The following EPS15 variants were observed in gnomAD, a reference collection of about 807,000 sequenced individuals.
EPS15 encodes the protein epidermal growth factor receptor pathway substrate 15.
In EPS15, 72 loss-of-function variants were observed where a neutral mutation model predicts 113.8. That is an observed-to-expected ratio of 0.63 (90% CI 0.52 to 0.77). EPS15 has a LOEUF of 0.77. Among genes scored for constraint, EPS15 ranks in the 30% least tolerant of loss-of-function variants. The pLI, the probability that EPS15 is intolerant of heterozygous loss-of-function variation, is 0.00. For synonymous variants in EPS15, 344 were observed against 363.4 expected (o/e 0.95, Z 0.61); for missense variants, 1,048 against 1,045.8 (o/e 1.00, Z -0.03).
intron 2 of EPS15, among the ~76,000 whole-genome samples, chr1:51,475,366 C>T (rs952840911): frequency 2.0e-5 from 3 of 152,144 alleles, no homozygotes; most frequent in Non-Finnish European, 2.9e-5. Context: ...TTAATGATCG[C>T]CATTCTAACT....
intron 2 of EPS15, 50 bp from the exon 3 acceptor site, chr1:51,472,998 T>G: frequency 1.5e-6 from 2 of 1,366,252 alleles, no homozygotes; most frequent in Non-Finnish European, 2.1e-6. Context: ...AAAGGCAAAA[T>G]TATCACCATT....
chr1:51,424,233 A>C (rs1305217208), intron 12 of EPS15, among the ~76,000 whole-genome samples: 6 of 152,212 alleles, frequency 3.9e-5, no homozygotes, highest in African/African-American at 1.4e-4. Flanking sequence ...CCTGTATATC[A>C]GACTGAAAAT....
chr1:51,444,984 G>A lies in EPS15; in HGVS notation c.859C>T (p.His287Tyr). ...LSKDQFALAF[H>Y]LISQKLIKGI... The stretch of plus-strand genomic sequence containing the variant: ...TTGATTAACTTCTGACTGATTAAGT[G>A]AAAAGCCAAGGCAAACTGATCCTTT... Residue 287 changes from histidine to tyrosine, a missense_variant, in exon 11 of 25, where the codon CAC becomes TAC. Coordinates refer to ENST00000371733, the MANE Select transcript of EPS15 (RefSeq NM_001981.3). 6.2e-7 allele frequency: 1 copy of A among 1,613,976 alleles called. No individual in the cohort carries two copies. Among genetic ancestry groups the A allele is most frequent in the Non-Finnish European group, 8.5e-7 (1 of 1,179,894 alleles).
In EPS15 at chr1:51,402,523, T is replaced by C; in HGVS notation, c.1794A>G (p.Glu598=). 1 of 1,456,940 alleles carries C rather than the reference T, an allele frequency of 6.9e-7. No homozygotes were observed. The allele number at this position is 1,456,940 out of a possible 1,614,324, so 90.3% of individuals were successfully genotyped here. ...ELDNNRHSKE[E]DPFNVDSSSL... The stretch of plus-strand genomic sequence containing the variant: ...AACTTGAGTCTACATTAAATGGATC[T>C]TCCTAAAAATAATTTTAAATTAAAA... Residue 598 remains glutamate, a splice_region_variant and synonymous_variant, in exon 18 of 25, where the codon GAA becomes GAG. Coordinates refer to ENST00000371733, the MANE Select transcript of EPS15 (RefSeq NM_001981.3).
intron 21 of EPS15, among the ~76,000 whole-genome samples, chr1:51,391,455 T>TAATAAAATAAAATAAAATAA (rs57219279): frequency 8.1e-4 from 120 of 148,350 alleles, no homozygotes; most frequent in African/African-American, 2.9e-3. Flanking sequence ...CCTAAAACTT[T>TAATAAAATAAAATAAAATAA]AATAAAATAA....
intron 1 of EPS15, among the ~76,000 whole-genome samples, chr1:51,495,680 T>G (rs146956854): frequency 6.6e-6 from 1 of 151,490 alleles, no homozygotes; most frequent in African/African-American, 2.4e-5. Context: ...AGCAAAGAAT[T>G]TGGCAAAAAA....
intron 8 of EPS15, among the ~76,000 whole-genome samples, chr1:51,454,021 G>GA (rs1653779857): frequency 7.3e-6 from 1 of 136,388 alleles, no homozygotes. Context: ...CTGCACTCCA[G>GA]TCTGGGCGAC....
chr1:51,410,256 T>C (rs1246604130), intron 13 of EPS15, among the ~76,000 whole-genome samples: 4 of 150,818 alleles, frequency 2.7e-5, no homozygotes, highest in Non-Finnish European at 5.9e-5. Flanking sequence ...CTGGACGTGG[T>C]AGTACGTGCC....
At chr1:51,477,404 G>C (rs1441220599) in intron 2 of EPS15, among the ~76,000 whole-genome samples, 1 of 152,056 alleles carries the variant, frequency 6.6e-6, no homozygotes, top group African/African-American at 2.4e-5. Context: ...CAAAAAACCA[G>C]CTTCTGGATT....
chr1:51,358,707 T>C (rs1052936717), intron 24 of EPS15, among the ~76,000 whole-genome samples: 1 of 142,364 alleles, frequency 7.0e-6, no homozygotes, highest in Admixed American at 6.9e-5. Flanking sequence ...TTGTTTTTTT[T>C]TGTTTTTTTT....
intron 12 of EPS15, among the ~76,000 whole-genome samples, chr1:51,435,065 CAT>C (rs748258727): frequency 1.3e-4 from 19 of 148,498 alleles, no homozygotes; most frequent in South Asian, 2.1e-4. Flanking sequence ...AATTTTTAAA[CAT>C]GTGAAAAAAA....
chr1:51,445,153 A>C (rs1456670842), intron 10 of EPS15, 108 bp from the exon 11 acceptor site: 2 of 959,890 alleles, frequency 2.1e-6, no homozygotes, highest in Non-Finnish European at 3.1e-6. Flanking sequence ...GAATTTAAAA[A>C]GACAGTCACA....
chr1:51,479,341 A>C lies in EPS15; in HGVS notation c.75+1932T>G, dbSNP rs528430065. Among the ~76,000 whole-genome samples, 11 of 152,242 alleles carry C rather than the reference A, an allele frequency of 7.2e-5. No homozygotes were observed. In the East Asian group the frequency reaches 2.1e-3, roughly 29 times the overall value. On this transcript the variant is annotated intron_variant, in intron 2 of 24. Coordinates refer to ENST00000371733, the MANE Select transcript of EPS15 (RefSeq NM_001981.3). ...GGTCTTCTCTACGCTGTTTATTCTA[A>C]TTAGCCATTCGTCTAATCTTTTTTC...
At chr1:51,491,241 A>G (rs905949952) in intron 1 of EPS15, among the ~76,000 whole-genome samples, 4 of 152,198 alleles carry the variant, frequency 2.6e-5, no homozygotes, top group Non-Finnish European at 5.9e-5. Context: ...ATTAACACAT[A>G]AAAATTCAAC....
intron 1 of EPS15, among the ~76,000 whole-genome samples, chr1:51,505,850 G>C (rs958451385): frequency 6.6e-6 from 1 of 151,766 alleles, no homozygotes. Flanking sequence ...GGAGTGCAAT[G>C]GCGCAATCTT....
chr1:51,433,947 T>C (rs1651937363), intron 12 of EPS15, among the ~76,000 whole-genome samples: 1 of 152,230 alleles, frequency 6.6e-6, no homozygotes. Context: ...TAGTTTCATC[T>C]TTTCCACTGC....
chr1:51,503,494 T>G (rs973423026), intron 1 of EPS15, among the ~76,000 whole-genome samples: 8 of 151,878 alleles, frequency 5.3e-5, no homozygotes, highest in African/African-American at 1.9e-4. Flanking sequence ...ATACAAAAAT[T>G]AACCAGGAAT....
At chr1:51,478,232 C>T (rs552876164) in intron 2 of EPS15, among the ~76,000 whole-genome samples, 1 of 152,116 alleles carries the variant, frequency 6.6e-6, no homozygotes, top group Non-Finnish European at 1.5e-5. Context: ...CTCTTTTGAT[C>T]TTTGTTGGTT....
Position 51,461,558 on chromosome 1 carries a change from G to A in EPS15, c.502-408C>T, listed in dbSNP as rs553471756. Among the ~76,000 whole-genome samples the A allele has an allele frequency of 2.4e-4, 36 of 147,334 alleles. 1 individual carries two copies. The highest frequency in any genetic ancestry group is 1.4e-3 in the Admixed American group (20 of 14,804). ...AAAAAAAAAAAAAAAGTGTACTGTT[G>A]AGAGTTAAAAATGGAGATAAGCAAG... On this transcript the variant is annotated intron_variant, in intron 7 of 24. Coordinates refer to ENST00000371733, the MANE Select transcript of EPS15 (RefSeq NM_001981.3).
Sources: allele counts gnomAD v4.1 joint callset (sites outside exome capture counted in the v4.1 genomes callset), GRCh38; gene constraint gnomAD v4.1.1; transcripts MANE v1.5; gene names NCBI Gene and HGNC (gene_info 2026-07-23, HGNC 2026-07-21).